RFXANK: variants seen among roughly 807,000 people sequenced by gnomAD.
RFXANK encodes the protein regulatory factor X associated ankyrin containing protein, also known as DNA-binding protein RFXANK.
A neutral mutation model predicts 34.5 loss-of-function variants in RFXANK; 19 were observed. The ratio of observed to expected loss-of-function variants is 0.55; its 90% CI spans 0.38 to 0.81. RFXANK has a LOEUF of 0.81. RFXANK is among the 30% of genes least tolerant of loss of function. The probability of loss-of-function intolerance (pLI) is 0.00; values close to 1 mark genes in which losing one functional copy is unlikely to be tolerated. For missense variants in RFXANK, 295 were observed against 343.5 expected, an observed-to-expected ratio of 0.86 and a Z score of 1.12; for synonymous variants, 154 against 149.8, an observed-to-expected ratio of 1.03 and a Z score of -0.20.
At chr19:19,193,607 G>A (rs2060537630) in intron 2 of RFXANK, among the ~76,000 whole-genome samples, 2 of 151,876 alleles carry the variant, frequency 1.3e-5, no homozygotes, top group South Asian at 4.2e-4. Flanking sequence ...GTACAGATGG[G>A]GTTTCACCAT....
intron 3 of RFXANK, among the ~76,000 whole-genome samples, chr19:19,195,805 G>A (rs1001404782): frequency 1.4e-5 from 2 of 144,022 alleles, no homozygotes; most frequent in East Asian, 2.1e-4. Flanking sequence ...GTGCAGTGGC[G>A]TGATCTCTCT....
intron 9 of RFXANK, chr19:19,201,431 T>C: frequency 6.7e-7 from 1 of 1,493,004 alleles, no homozygotes; most frequent in Non-Finnish European, 9.0e-7. Context: ...GGAAATATTT[T>C]TATATTAATT....
chr19:19,195,650 T>A (rs1262690025), intron 3 of RFXANK, among the ~76,000 whole-genome samples: 1 of 147,068 alleles, frequency 6.8e-6, no homozygotes, highest in South Asian at 2.2e-4. Context: ...TGGTGTCACC[T>A]TGGGGAGGCC....
intron 9 of RFXANK, 148 bp downstream of exon 9, chr19:19,199,382 G>A: frequency 1.2e-6 from 1 of 817,578 alleles, no homozygotes; most frequent in Non-Finnish European, 2.1e-6. Flanking sequence ...ATCCCGCCTG[G>A]GAACATCCCA....
chr19:19,195,846 G>A (rs550952564), intron 3 of RFXANK, among the ~76,000 whole-genome samples: 70 of 148,156 alleles, frequency 4.7e-4, no homozygotes, highest in African/African-American at 1.4e-3. Flanking sequence ...GGATTCAAGC[G>A]ATTCTCCTGC....
chr19:19,192,447 TACCCACTC>T lies in RFXANK; in HGVS notation c.-256_-249del. The stretch of plus-strand genomic sequence containing the variant: ...CGAGTTGGGGGAGTCCTCCACGCAT[TACCCACTC>T]GGGCCGCAAAAACTCCCTTCTTTAG... On this transcript the variant is annotated 5_prime_UTR_variant, in exon 1 of 10. Coordinates refer to ENST00000303088, the MANE Select transcript of RFXANK (RefSeq NM_003721.4). 2 of 398,198 alleles carry T rather than the reference TACCCACTC, an allele frequency of 5.0e-6. No individual in the cohort carries two copies. Among genetic ancestry groups the T allele is most frequent in the Non-Finnish European group, 9.2e-6 (2 of 216,816 alleles). The allele number at this position is 398,198 out of a possible 1,614,324, so 24.7% of individuals were successfully genotyped here.
In RFXANK at chr19:19,192,521, A is replaced by C. The variant is rs2060500511; in HGVS notation, c.-183A>C. 1 of 214,636 alleles carries C rather than the reference A, an allele frequency of 4.7e-6. No homozygotes were observed. Among genetic ancestry groups the C allele is most frequent in the Non-Finnish European group, 9.5e-6 (1 of 105,790 alleles). The allele number at this position is 214,636 out of a possible 1,614,324, so 13.3% of individuals were successfully genotyped here. On this transcript the variant is annotated 5_prime_UTR_variant, in exon 1 of 10. Transcript: ENST00000303088. ...CTTGCTTATAAGCCTTTGAGACCGC[A>C]GAAGGGACCTTGTTGTGGAACGGGA...
intron 3 of RFXANK, among the ~76,000 whole-genome samples, chr19:19,196,527 A>T (rs2060601577): frequency 6.8e-6 from 1 of 147,958 alleles, no homozygotes; most frequent in Non-Finnish European, 1.5e-5. Context: ...ACACCACCGC[A>T]CTCCAGCCTG....
At position 19,194,010 on chromosome 19, in the gene RFXANK, G is replaced by C. The variant is rs968833538; in HGVS notation, c.64G>C (p.Gly22Arg). ...QTQQTPASEL[G>R]DPEDPGEEAA... ...CCAGCAGACCCCTGCCTCAGAACTT[G>C]GGGACCCTGAAGACCCCGGAGAGGA... The change falls in exon 3 of 10, where the codon GGG becomes CGG. Residue 22 changes from glycine to arginine, a missense_variant. Physicochemically the swap from Gly to Arg is moderately radical, Grantham distance 125. Coordinates refer to ENST00000303088, the MANE Select transcript of RFXANK (RefSeq NM_003721.4). 40 of 1,614,090 alleles carry C rather than the reference G, an allele frequency of 2.5e-5. No individual in the cohort carries two copies. Among genetic ancestry groups the C allele is most frequent in the Middle Eastern group, 1.6e-4 (1 of 6,084 alleles).
chr19:19,199,269 C>T, intron 9 of RFXANK, 35 bp downstream of exon 9: 1 of 1,601,674 alleles, frequency 6.2e-7, no homozygotes, highest in South Asian at 1.1e-5. Context: ...GGGTGGGGTC[C>T]CTTCCATAGG....
At chr19:19,199,034 A>G in intron 8 of RFXANK, 120 bp from the exon 9 acceptor site, 1 of 1,022,144 alleles carries the variant, frequency 9.8e-7, no homozygotes, top group South Asian at 1.3e-5. Flanking sequence ...CACATGGGCA[A>G]CGGGCAGACC....
intron 5 of RFXANK, 38 bp from the exon 6 acceptor site, chr19:19,197,483 G>A (rs775259075): frequency 1.3e-6 from 2 of 1,595,608 alleles, no homozygotes; most frequent in Admixed American, 3.4e-5. Context: ...AGGGGGCAGG[G>A]GTGCAGCCTG....
At chr19:19,192,670 T>A (rs1253177584) in intron 1 of RFXANK, 116 bp downstream of exon 1, 1 of 154,328 alleles carries the variant, frequency 6.5e-6, no homozygotes, top group Non-Finnish European at 1.5e-5. Flanking sequence ...TGGAAAAATC[T>A]GTGGGCAGGG....
At chr19:19,194,201 A>C in intron 3 of RFXANK, 68 bp downstream of exon 3, 1 of 1,496,712 alleles carries the variant, frequency 6.7e-7, no homozygotes, top group South Asian at 1.1e-5. Flanking sequence ...CCTCACATGG[A>C]ACCTGTGTCT....
At chr19:19,198,328 A>G (rs1023737575) in intron 7 of RFXANK, 96 bp downstream of exon 7, 2 of 1,550,158 alleles carry the variant, frequency 1.3e-6, no homozygotes, top group East Asian at 2.4e-5. Context: ...GGCCTGCTCT[A>G]GGTGCCGAGA....
intron 8 of RFXANK, 57 bp from the exon 9 acceptor site, chr19:19,199,097 G>C (rs2060652380): frequency 2.6e-6 from 4 of 1,522,932 alleles, no homozygotes; most frequent in South Asian, 2.2e-5. Flanking sequence ...CAGGTCCCCA[G>C]ACCCCATTCT....
chr19:19,200,262 C>T (rs1410448080), intron 9 of RFXANK, among the ~76,000 whole-genome samples: 2 of 149,212 alleles, frequency 1.3e-5, no homozygotes, highest in South Asian at 2.2e-4. Flanking sequence ...ACTGCAACTT[C>T]CACCTCCCAG....
In RFXANK at chr19:19,197,555, C is replaced by T. The variant is rs1303767064; in HGVS notation, c.372C>T (p.Gly124=). ...TCGTCAACAAGCCAGACGAGCGCGGCTTCACCCCCCTCATCTGGGCCTCCG... is the reference window on the plus strand; with the variant it reads ...TCGTCAACAAGCCAGACGAGCGCGGTTTCACCCCCCTCATCTGGGCCTCCG... The part of the protein sequence containing the change: ...DNLVNKPDER[G]FTPLIWASAF... The change falls in exon 6 of 10, where the codon GGC becomes GGT. Residue 124 remains glycine (G), a synonymous_variant. Coordinates refer to ENST00000303088, the MANE Select transcript of RFXANK (RefSeq NM_003721.4). 6.2e-7 allele frequency: 1 copy of T among 1,613,814 alleles called. No individual in the cohort carries two copies. Among genetic ancestry groups the T allele is most frequent in the East Asian group, 2.2e-5 (1 of 44,888 alleles).
chr19:19,195,670 C>T (rs1479606891), intron 3 of RFXANK, among the ~76,000 whole-genome samples: 4 of 151,708 alleles, frequency 2.6e-5, no homozygotes, highest in African/African-American at 4.8e-5. Context: ...CCTCCTGTTA[C>T]CACCTTGTCT....
Sources: allele counts gnomAD v4.1 joint callset (sites outside exome capture counted in the v4.1 genomes callset), GRCh38; gene constraint gnomAD v4.1.1; transcripts MANE v1.5; gene names NCBI Gene and HGNC (gene_info 2026-07-23, HGNC 2026-07-21).